Variants in FZD7 observed in about 807,000 individuals in gnomAD.
FZD7 encodes frizzled-7.
In FZD7, 21 loss-of-function variants were observed where a neutral mutation model predicts 39.0. The ratio of observed to expected loss-of-function variants is 0.54; its 90% confidence interval spans 0.38 to 0.78. The LOEUF (loss-of-function observed/expected upper bound fraction) is 0.78. Ranked by LOEUF, FZD7 falls within the 30% of genes least tolerant of loss-of-function variation. The pLI is 0.00. For missense variants in FZD7, 695 were observed against 805.0 expected, an observed-to-expected ratio of 0.86 and a Z score of 1.65; for synonymous variants, 428 against 364.9, an observed-to-expected ratio of 1.17 and a Z score of -1.97.
chr2:202,035,534 A>C lies in FZD7; in HGVS notation c.887A>C (p.Tyr296Ser), dbSNP rs1451395018. ...CCCATCATCTTCCTGTCGGGCTGCT[A>C]CTTCATGGTGGCCGTGGCGCACGTG... ...ERPIIFLSGCYFMVAVAHVAG... is the reference protein window; with the variant it reads ...ERPIIFLSGCSFMVAVAHVAG... Residue 296 changes from tyrosine to serine, a missense_variant, in exon 1 of 1, where the codon TAC becomes TCC. Tyr to Ser is a moderately radical substitution (Grantham distance 144). Coordinates refer to ENST00000286201, the MANE Select transcript of FZD7 (RefSeq NM_003507.2). The C allele has an allele frequency of 6.2e-7, 1 of 1,613,976 alleles. No homozygotes were observed. Among genetic ancestry groups the C allele is most frequent in the African/African-American group, 1.3e-5 (1 of 74,930 alleles).
chr2:202,035,150 G>T lies in FZD7; in HGVS notation c.503G>T (p.Gly168Val). The T allele has an allele frequency of 1.9e-6, 3 of 1,603,334 alleles. No individual in the cohort carries two copies. The East Asian group carries it at 6.7e-5, about 36-fold the overall frequency. ...EICVGQNTSD[G>V]SGGPGGGPTA... Reference sequence around the variant, plus strand: ...TGCGTGGGCCAGAACACGTCGGACGGCTCCGGGGGCCCAGGCGGCGGCCCC... The same window carrying T: ...TGCGTGGGCCAGAACACGTCGGACGTCTCCGGGGGCCCAGGCGGCGGCCCC... The change falls in exon 1 of 1, where the codon GGC becomes GTC. Residue 168 changes from glycine (G) to valine (V), a missense_variant. Physicochemically the swap from Gly to Val is moderately radical, Grantham distance 109. Coordinates refer to ENST00000286201, the MANE Select transcript of FZD7 (RefSeq NM_003507.2).
Position 202,035,645 on chromosome 2 carries a change from A to G in FZD7, c.998A>G (p.Lys333Arg). The change falls in exon 1 of 1, where the codon AAG (lysine) becomes AGG (arginine). Residue 333 changes from lysine to arginine, a missense_variant. Coordinates refer to ENST00000286201, the MANE Select transcript of FZD7 (RefSeq NM_003507.2). ...GYRTVAQGTK[K>R]EGCTILFMVL... ...CGCACGGTGGCGCAGGGCACCAAGA[A>G]GGAGGGCTGCACCATCCTCTTCATG... The G allele has an allele frequency of 6.2e-7, 1 of 1,614,190 alleles. No individual in the cohort carries two copies. Among genetic ancestry groups the G allele is most frequent in the Non-Finnish European group, 8.5e-7 (1 of 1,180,034 alleles).
Position 202,034,647 on chromosome 2 carries a change from G to C in FZD7, c.-1G>C, listed in dbSNP as rs199500301. 1.9e-6 allele frequency: 3 copies of C among 1,547,476 alleles called. No individual in the cohort carries two copies. Among genetic ancestry groups the C allele is most frequent in the Non-Finnish European group, 2.6e-6 (3 of 1,158,534 alleles). On this transcript the variant is annotated 5_prime_UTR_variant, in exon 1 of 1. Transcript: ENST00000286201. ...GAGCACCGCTGCACTCGCGGCCGGC[G>C]ATGCGGGACCCCGGCGCGGCCGCTC...
chr2:202,036,218 G>GC lies in FZD7; in HGVS notation c.1575dup (p.Asp526ArgfsTer40). 6.2e-7 allele frequency: 1 copy of GC among 1,613,592 alleles called. No individual in the cohort carries two copies. Among genetic ancestry groups the GC allele is most frequent in the Non-Finnish European group, 8.5e-7 (1 of 1,180,018 alleles). ...CCGCCCGGCCACTTCCCGCCCATGA[G>GC]CCCCGACTTCACCGTCTTCATGATC... On this transcript the variant is annotated frameshift_variant, in exon 1 of 1. Transcript: ENST00000286201. LOFTEE classifies it high-confidence loss of function.
In FZD7 at chr2:202,036,127, G is replaced by A; in HGVS notation, c.1480G>A (p.Ala494Thr). ...CCTGGCCTGCTACTTCTACGAGCAG[G>A]CCTTCCGCGAGCACTGGGAGCGCAC... ...IVLACYFYEQ[A>T]FREHWERTWL... The change falls in exon 1 of 1, where the codon GCC (alanine) becomes ACC (threonine). Residue 494 changes from alanine to threonine, a missense_variant. Physicochemically the swap from Ala to Thr is moderately conservative, Grantham distance 58. Transcript: ENST00000286201. 6.2e-7 allele frequency: 1 copy of A among 1,613,804 alleles called. No homozygotes were observed. Among genetic ancestry groups the A allele is most frequent in the Non-Finnish European group, 8.5e-7 (1 of 1,180,044 alleles).
chr2:202,036,062 G>A lies in FZD7; in HGVS notation c.1415G>A (p.Gly472Asp). The change falls in exon 1 of 1, where the codon GGC (glycine) becomes GAC (aspartate). Residue 472 changes from glycine to aspartate, a missense_variant. Gly to Asp is a moderately conservative substitution (Grantham distance 94, BLOSUM62 -1). Coordinates refer to ENST00000286201, the MANE Select transcript of FZD7 (RefSeq NM_003507.2). ...EKLEKLMVRI[G>D]VFSVLYTVPA... is the part of the protein sequence containing the mutation. Reference sequence around the variant, plus strand: ...CTGGAGAAGCTCATGGTGCGCATCGGCGTCTTCAGCGTGCTCTACACAGTG... The same window carrying A: ...CTGGAGAAGCTCATGGTGCGCATCGACGTCTTCAGCGTGCTCTACACAGTG... 1 of 1,613,644 alleles carries A rather than the reference G, an allele frequency of 6.2e-7. No individual in the cohort carries two copies. The highest frequency in any genetic ancestry group is 2.2e-5 in the East Asian group (1 of 44,826).
rs1296763752 is a variant in FZD7 at position 202,037,647 on chromosome 2, TAAAGG to T, written c.*1280_*1284del. ...AAACATAATGTCTTCAGCCTCATAATAAAGGAAAGTTAATTAAAAAAAAAAAGCAA... is the reference window on the plus strand; with the variant it reads ...AAACATAATGTCTTCAGCCTCATAATAAAGTTAATTAAAAAAAAAAAGCAA... On this transcript the variant is annotated 3_prime_UTR_variant, in exon 1 of 1. Transcript: ENST00000286201. The T allele has an allele frequency of 1.2e-5, 2 of 166,328 alleles. No homozygotes were observed. The highest frequency in any genetic ancestry group is 2.9e-5 in the Non-Finnish European group (2 of 68,056). The allele number at this position is 166,328 out of a possible 1,614,324, so 10.3% of individuals were successfully genotyped here. A position where few individuals can be genotyped will look rare whatever the true frequency, so the allele number is the denominator to read the frequency against.
At position 202,038,161 on chromosome 2, in the gene FZD7, C is replaced by T. The variant is rs541585512; in HGVS notation, c.*1789C>T. 7 of 166,620 alleles carry T rather than the reference C, an allele frequency of 4.2e-5. No individual in the cohort carries two copies. The highest frequency in any genetic ancestry group is 1.2e-4 in the African/African-American group (5 of 41,384). The allele number at this position is 166,620 out of a possible 1,614,324, so 10.3% of individuals were successfully genotyped here. On this transcript the variant is annotated 3_prime_UTR_variant, in exon 1 of 1. Coordinates refer to ENST00000286201, the MANE Select transcript of FZD7 (RefSeq NM_003507.2). ...CTGCTTTTTACATTAAAGTTAAAAT[C>T]GATCTTGTGTTTCTTCAACCTTCAA... is the stretch of plus-strand genomic sequence containing the variant.
At position 202,035,685 on chromosome 2, in the gene FZD7, C is replaced by T. The variant is rs146458898; in HGVS notation, c.1038C>T (p.Phe346=). Reference sequence around the variant, plus strand: ...TCCTCTTCATGGTGCTCTACTTCTTCGGCATGGCCAGCTCCATCTGGTGGG... The same window carrying T: ...TCCTCTTCATGGTGCTCTACTTCTTTGGCATGGCCAGCTCCATCTGGTGGG... The part of the protein sequence containing the change: ...CTILFMVLYF[F]GMASSIWWVI... The change falls in exon 1 of 1, where the codon TTC becomes TTT. Residue 346 remains phenylalanine (F), a synonymous_variant. Coordinates refer to ENST00000286201, the MANE Select transcript of FZD7 (RefSeq NM_003507.2). The T allele has an allele frequency of 6.3e-5, 101 of 1,614,034 alleles. No individual in the cohort carries two copies. The African/African-American group carries it at 1.2e-3, about 20-fold the overall frequency.
Position 202,035,779 on chromosome 2 carries a change from T to A in FZD7, c.1132T>A (p.Ser378Thr). 6.2e-7 allele frequency: 1 copy of A among 1,614,144 alleles called. No homozygotes were observed. Among genetic ancestry groups the A allele is most frequent in the Non-Finnish European group, 8.5e-7 (1 of 1,180,036 alleles). Residue 378 changes from serine (S) to threonine (T), a missense_variant, in exon 1 of 1, where the codon TCG becomes ACG. Ser to Thr is a moderately conservative substitution (Grantham distance 58). Coordinates refer to ENST00000286201, the MANE Select transcript of FZD7 (RefSeq NM_003507.2). The part of the protein sequence containing the change: ...KWGHEAIEAN[S>T]QYFHLAAWAV... Reference sequence around the variant, plus strand: ...GGGCCACGAGGCCATCGAGGCCAACTCGCAGTACTTCCACCTGGCCGCGTG... The same window carrying A: ...GGGCCACGAGGCCATCGAGGCCAACACGCAGTACTTCCACCTGGCCGCGTG...
Position 202,034,360 on chromosome 2 carries a change from C to A in FZD7, c.-288C>A, listed in dbSNP as rs1005253112. Among the ~76,000 whole-genome samples the A allele has an allele frequency of 1.5e-4, 23 of 151,688 alleles. 1 individual carries two copies. Among genetic ancestry groups the A allele is most frequent in the Admixed American group, 1.3e-3 (20 of 15,234 alleles). On this transcript the variant is annotated 5_prime_UTR_variant, in exon 1 of 1. Coordinates refer to ENST00000286201, the MANE Select transcript of FZD7 (RefSeq NM_003507.2). The stretch of plus-strand genomic sequence containing the variant: ...CGCGGCGGAGGGAGCCGCACCGTTA[C>A]GTCCCCGCGGGGAGAGCGAGGCGGC...
In FZD7 at chr2:202,034,968, G is replaced by C; in HGVS notation, c.321G>C (p.Ala107=). The stretch of plus-strand genomic sequence containing the variant: ...GCTTTTTCTTATGCTCCATGTATGC[G>C]CCCGTGTGCACCGTGCTCGATCAGG... ...ELRFFLCSMY[A]PVCTVLDQAI... Residue 107 remains alanine, a synonymous_variant, in exon 1 of 1, where the codon GCG becomes GCC. Coordinates refer to ENST00000286201, the MANE Select transcript of FZD7 (RefSeq NM_003507.2). 6.2e-7 allele frequency: 1 copy of C among 1,614,028 alleles called. No individual in the cohort carries two copies. Among genetic ancestry groups the C allele is most frequent in the Non-Finnish European group, 8.5e-7 (1 of 1,180,012 alleles).
At position 202,034,637 on chromosome 2, in the gene FZD7, C is replaced by CG; in HGVS notation, c.-10dup. 2 of 1,539,362 alleles carry CG rather than the reference C, an allele frequency of 1.3e-6. No individual in the cohort carries two copies. Among genetic ancestry groups the CG allele is most frequent in the Non-Finnish European group, 1.7e-6 (2 of 1,155,058 alleles). ...CTCAGGCTGAGAGCACCGCTGCACT[C>CG]GCGGCCGGCGATGCGGGACCCCGGC... On this transcript the variant is annotated 5_prime_UTR_variant, in exon 1 of 1. Coordinates refer to ENST00000286201, the MANE Select transcript of FZD7 (RefSeq NM_003507.2).
At position 202,036,078 on chromosome 2, in the gene FZD7, C is replaced by T; in HGVS notation, c.1431C>T (p.Leu477=). The change falls in exon 1 of 1, where the codon CTC becomes CTT. Residue 477 remains leucine (L), a synonymous_variant. Transcript: ENST00000286201. ...LMVRIGVFSV[L]YTVPATIVLA... Reference sequence around the variant, plus strand: ...TGCGCATCGGCGTCTTCAGCGTGCTCTACACAGTGCCCGCCACCATCGTCC... The same window carrying T: ...TGCGCATCGGCGTCTTCAGCGTGCTTTACACAGTGCCCGCCACCATCGTCC... 2 of 1,614,064 alleles carry T rather than the reference C, an allele frequency of 1.2e-6. No homozygotes were observed. Among genetic ancestry groups the T allele is most frequent in the Non-Finnish European group, 1.7e-6 (2 of 1,180,038 alleles).
chr2:202,034,570 C>T lies in FZD7; in HGVS notation c.-78C>T. The T allele has an allele frequency of 7.9e-7, 1 of 1,268,172 alleles. No homozygotes were observed. Among genetic ancestry groups the T allele is most frequent in the Non-Finnish European group, 1.1e-6 (1 of 944,204 alleles). 78.6% of individuals were successfully genotyped at this position (1,268,172 alleles called of 1,614,324 possible). A position where few individuals can be genotyped will look rare whatever the true frequency, so the allele number is the denominator to read the frequency against. ...CTCTCATGCGTCGGGCGCGGCGGCG[C>T]CTCCCCGCATCCAAGCCTCTCCCAA... On this transcript the variant is annotated 5_prime_UTR_variant, in exon 1 of 1. Transcript: ENST00000286201.
chr2:202,034,698 C>A lies in FZD7; in HGVS notation c.51C>A (p.Ala17=). The A allele has an allele frequency of 6.2e-7, 1 of 1,609,446 alleles. No individual in the cohort carries two copies. The highest frequency in any genetic ancestry group is 1.1e-5 in the South Asian group (1 of 90,890). Residue 17 remains alanine (A), a synonymous_variant, in exon 1 of 1, where the codon GCC becomes GCA. Transcript: ENST00000286201. ...CGCTTTCGTCCCTGGGCCTCTGTGC[C>A]CTGGTGCTGGCGCTGCTGGGCGCAC... ...AAPLSSLGLC[A]LVLALLGALS...
At position 202,036,418 on chromosome 2, in the gene FZD7, G is replaced by A. The variant is rs1447369785; in HGVS notation, c.*46G>A. The A allele has an allele frequency of 7.0e-7, 1 of 1,437,608 alleles. No homozygotes were observed. Among genetic ancestry groups the A allele is most frequent in the Admixed American group, 1.9e-5 (1 of 53,338 alleles). The allele number at this position is 1,437,608 out of a possible 1,614,324, so 89.1% of individuals were successfully genotyped here. On this transcript the variant is annotated 3_prime_UTR_variant, in exon 1 of 1. Coordinates refer to ENST00000286201, the MANE Select transcript of FZD7 (RefSeq NM_003507.2). ...TTCCCACCCCAGCCCTCTTGCAAGA[G>A]GAGAGGCACGGTAGGGAAAAGAACT...
rs893977342 is a variant in FZD7, at chr2:202,038,079, G to C, written c.*1707G>C. ...GAACAGTTTTTAAATGCCAATCATAGAGGGTACTGTAAAGTGTACAAGTTA... is the reference window on the plus strand; with the variant it reads ...GAACAGTTTTTAAATGCCAATCATACAGGGTACTGTAAAGTGTACAAGTTA... On this transcript the variant is annotated 3_prime_UTR_variant, in exon 1 of 1. Coordinates refer to ENST00000286201, the MANE Select transcript of FZD7 (RefSeq NM_003507.2). The C allele has an allele frequency of 6.0e-6, 1 of 167,006 alleles. No individual in the cohort carries two copies. The highest frequency in any genetic ancestry group is 1.5e-5 in the Non-Finnish European group (1 of 68,116). The allele number at this position is 167,006 out of a possible 1,614,324, so 10.3% of individuals were successfully genotyped here. A position where few individuals can be genotyped will look rare whatever the true frequency, so the allele number is the denominator to read the frequency against.
In FZD7 at chr2:202,037,256, G is replaced by A. The variant is rs1399824895; in HGVS notation, c.*884G>A. 1.2e-5 allele frequency: 2 copies of A among 167,146 alleles called. No individual in the cohort carries two copies. The highest frequency in any genetic ancestry group is 2.4e-5 in the African/African-American group (1 of 41,552). 10.4% of individuals were successfully genotyped at this position (167,146 alleles called of 1,614,324 possible). The stretch of plus-strand genomic sequence containing the variant: ...TGTCTTTGTTGTAAGAGACAAAAGA[G>A]GAAACAAAAGTGTCTCCCTGTGGAA... On this transcript the variant is annotated 3_prime_UTR_variant, in exon 1 of 1. Transcript: ENST00000286201.
Sources: gnomAD v4.1 joint callset for allele counts (sites outside exome capture counted in the v4.1 genomes callset) on GRCh38, gnomAD v4.1.1 for gene constraint, MANE v1.5 for transcripts, NCBI Gene and HGNC (gene_info 2026-07-23, HGNC 2026-07-21) for gene names.